MAP4K3: variants seen among roughly 807,000 people sequenced by gnomAD.
MAP4K3 encodes mitogen-activated protein kinase kinase kinase kinase 3, also known as MAPK/ERK kinase kinase kinase 3.
Under a neutral mutation model 143.5 loss-of-function variants are expected in MAP4K3, and 94 were observed. The observed-to-expected ratio is 0.65, with a 90% CI of 0.55 to 0.78. The LOEUF (loss-of-function observed/expected upper bound fraction) is 0.78, where lower values mean the gene tolerates loss of function less well. MAP4K3 is among the 30% of genes least tolerant of loss of function. MAP4K3 has a pLI of 0.00. For synonymous variants in MAP4K3, 416 were observed against 347.2 expected (o/e 1.20, Z -2.20); for missense variants, 1,077 against 1,068.1 (o/e 1.01, Z -0.12).
At chr2:39,337,071 T>C in intron 5 of MAP4K3, 104 bp from the exon 6 acceptor site, 1 of 571,920 alleles carries the variant, frequency 1.7e-6, no homozygotes. Flanking sequence ...TTATTTAATC[T>C]TTACAGGAGA....
At chr2:39,373,619 G>C (rs1666139416) in intron 2 of MAP4K3, among the ~76,000 whole-genome samples, 1 of 152,186 alleles carries the variant, frequency 6.6e-6, no homozygotes, top group Admixed American at 6.5e-5. Context: ...AAAGGAATGA[G>C]ATCCTGCCAT....
At chr2:39,253,080 T>C (rs1363315410) in intron 32 of MAP4K3, among the ~76,000 whole-genome samples, 2 of 152,242 alleles carry the variant, frequency 1.3e-5, no homozygotes, top group Non-Finnish European at 2.9e-5. Context: ...CTCACGTGAT[T>C]TTAGAAAGTG....
intron 3 of MAP4K3, among the ~76,000 whole-genome samples, chr2:39,348,989 G>C (rs1558659665): frequency 6.6e-6 from 1 of 152,068 alleles, no homozygotes; most frequent in Non-Finnish European, 1.5e-5. Context: ...ATGTGACCAA[G>C]ACTACTGAGG....
intron 2 of MAP4K3, among the ~76,000 whole-genome samples, chr2:39,358,914 T>A (rs1004981279): frequency 6.6e-6 from 1 of 152,110 alleles, no homozygotes; most frequent in African/African-American, 2.4e-5. Flanking sequence ...ACATGCGTGG[T>A]GACACAACCA....
chr2:39,427,200 A>T (rs947185276), intron 1 of MAP4K3, among the ~76,000 whole-genome samples: 16 of 152,104 alleles, frequency 1.1e-4, no homozygotes, highest in African/African-American at 3.9e-4. Context: ...AACAACCGTT[A>T]ATTTAGAGTT....
chr2:39,420,442 A>G (rs958600123), intron 1 of MAP4K3, among the ~76,000 whole-genome samples: 6 of 152,296 alleles, frequency 3.9e-5, no homozygotes, highest in South Asian at 2.1e-4. Context: ...GTTTAGAGAC[A>G]GTCTCACTGT....
Position 39,422,665 on chromosome 2 carries a change from G to C in MAP4K3, c.96+14227C>G, listed in dbSNP as rs182882277. Among the ~76,000 whole-genome samples the C allele has an allele frequency of 6.1e-4, 93 of 152,312 alleles. 1 individual carries two copies. Among genetic ancestry groups the C allele is most frequent in the African/African-American group, 2.1e-3 (86 of 41,572 alleles). ...AAGCAAAGGTGATCCAATGGGAAAA[G>C]GACGGTCTTTTCAACAAATAGTACT... On this transcript the variant is annotated intron_variant, in intron 1 of 33. Transcript: ENST00000263881.
chr2:39,415,679 C>T lies in MAP4K3; in HGVS notation c.96+21213G>A, dbSNP rs565338982. 1.4e-3 allele frequency among the ~76,000 whole-genome samples: 220 copies of T among 151,730 alleles called. 1 individual carries two copies. The highest frequency in any genetic ancestry group is 4.9e-3 in the African/African-American group (203 of 41,378). ...TATAAAAATAATTATAGGCCAGGCA[C>T]GGTGGCTCACGCCTATAATCACAGC... On this transcript the variant is annotated intron_variant, in intron 1 of 33. Coordinates refer to ENST00000263881, the MANE Select transcript of MAP4K3 (RefSeq NM_003618.4).
intron 2 of MAP4K3, among the ~76,000 whole-genome samples, chr2:39,363,948 A>G (rs1468568494): frequency 1.3e-5 from 2 of 151,212 alleles, no homozygotes; most frequent in African/African-American, 2.4e-5. Flanking sequence ...GGAAATGCAA[A>G]TCAAAAACAT....
At chr2:39,381,722 T>G (rs1026406015) in intron 1 of MAP4K3, among the ~76,000 whole-genome samples, 4 of 152,222 alleles carry the variant, frequency 2.6e-5, no homozygotes, top group Non-Finnish European at 4.4e-5. Flanking sequence ...ATACCACATT[T>G]TAATCTGGCC....
At chr2:39,426,200 T>C (rs1665073365) in intron 1 of MAP4K3, among the ~76,000 whole-genome samples, 1 of 152,170 alleles carries the variant, frequency 6.6e-6, no homozygotes, top group Non-Finnish European at 1.5e-5. Context: ...ATGTGTAACA[T>C]GAATTTAAAC....
intron 33 of MAP4K3, among the ~76,000 whole-genome samples, chr2:39,251,108 C>T (rs1680141312): frequency 6.6e-6 from 1 of 152,204 alleles, no homozygotes; most frequent in African/African-American, 2.4e-5. Flanking sequence ...CAGTGAAAGA[C>T]TGGCTAGGGG....
At chr2:39,337,635 T>C in intron 4 of MAP4K3, 54 bp from the exon 5 acceptor site, 1 of 1,218,946 alleles carries the variant, frequency 8.2e-7, no homozygotes, top group Non-Finnish European at 1.2e-6. Flanking sequence ...TGTTTTTCAA[T>C]ATATAATAAA....
At chr2:39,260,171 T>C (rs1263715768) in intron 29 of MAP4K3, among the ~76,000 whole-genome samples, 1 of 152,200 alleles carries the variant, frequency 6.6e-6, no homozygotes, top group African/African-American at 2.4e-5. Context: ...TGGAGTACAA[T>C]GGTGCGAACA....
At chr2:39,256,554 C>G (rs948018351) in intron 31 of MAP4K3, among the ~76,000 whole-genome samples, 1 of 152,176 alleles carries the variant, frequency 6.6e-6, no homozygotes, top group African/African-American at 2.4e-5. Flanking sequence ...TACATAAATA[C>G]ATTTTCTGAT....
At chr2:39,359,474 G>A (rs1665704587) in intron 2 of MAP4K3, among the ~76,000 whole-genome samples, 1 of 152,186 alleles carries the variant, frequency 6.6e-6, no homozygotes, top group Non-Finnish European at 1.5e-5. Context: ...AGTGCAAGCT[G>A]TCAGTGGATC....
At chr2:39,374,667 G>C (rs1440355478) in intron 2 of MAP4K3, among the ~76,000 whole-genome samples, 1 of 151,772 alleles carries the variant, frequency 6.6e-6, no homozygotes, top group East Asian at 1.9e-4. Flanking sequence ...GGGCAACAGA[G>C]CAAGACTCCA....
chr2:39,287,882 G>A (rs1338306140), intron 20 of MAP4K3, among the ~76,000 whole-genome samples: 1 of 152,146 alleles, frequency 6.6e-6, no homozygotes, highest in Non-Finnish European at 1.5e-5. Context: ...GTCTCTAGAA[G>A]AGAGAAGGCT....
At chr2:39,315,149 G>A (rs1683070324) in intron 13 of MAP4K3, among the ~76,000 whole-genome samples, 161 bp downstream of exon 13, 1 of 152,022 alleles carries the variant, frequency 6.6e-6, no homozygotes, top group Non-Finnish European at 1.5e-5. Flanking sequence ...AATTCCACAA[G>A]AATAAGGAAA....
Sources: allele counts gnomAD v4.1 joint callset (sites outside exome capture counted in the v4.1 genomes callset), GRCh38; gene constraint gnomAD v4.1.1; transcripts MANE v1.5; gene names NCBI Gene and HGNC (gene_info 2026-07-23, HGNC 2026-07-21).